The following CAPN3 variants were observed in gnomAD, a reference collection of about 807,000 sequenced individuals.
CAPN3 encodes the protein calpain 3.
Under a neutral mutation model 114.0 loss-of-function variants are expected in CAPN3, and 88 were observed. The observed-to-expected ratio is 0.77, with a 90% CI of 0.65 to 0.92. The LOEUF is 0.92. Ranked by LOEUF, CAPN3 falls within the 40% of genes least tolerant of loss-of-function variation. The pLI is 0.00. For synonymous variants in CAPN3, 386 were observed against 382.9 expected (o/e 1.01, Z -0.09); for missense variants, 1,028 against 1,069.0 (o/e 0.96, Z 0.53).
In CAPN3 at chr15:42,390,129, TC is replaced by T. The variant is rs2053517027; in HGVS notation, c.945+36del. 1.9e-6 allele frequency: 3 copies of T among 1,613,448 alleles called. No individual in the cohort carries two copies. The East Asian group carries it at 6.7e-5, about 36-fold the overall frequency. On this transcript the variant is annotated intron_variant, in intron 6 of 23. Transcript: ENST00000397163. Reference sequence around the variant, plus strand: ...CACCTCCGATTATCAGAACTGACCATCCCTCCAACCCACATGACCCCGCCCT... The same window carrying T: ...CACCTCCGATTATCAGAACTGACCATCCTCCAACCCACATGACCCCGCCCT...
At chr15:42,404,145 G>C in intron 14 of CAPN3, 1 of 465,326 alleles carries the variant, frequency 2.1e-6, no homozygotes, top group Non-Finnish European at 4.3e-6. Context: ...AAAGTAAGCT[G>C]GTGCCGGACC....
intron 1 of CAPN3, among the ~76,000 whole-genome samples, chr15:42,383,812 A>G (rs2053311024): frequency 6.6e-6 from 1 of 151,640 alleles, no homozygotes; most frequent in Admixed American, 6.6e-5. Context: ...ACCTCAAGTG[A>G]TCCACCCGCC....
intron 8 of CAPN3, among the ~76,000 whole-genome samples, chr15:42,395,474 A>C (rs536518551): frequency 2.1e-4 from 32 of 152,316 alleles, no homozygotes; most frequent in African/African-American, 7.7e-4. Context: ...TGCCACAGTA[A>C]GGATCACAAA....
Position 42,411,909 on chromosome 15 carries a change from C to T in CAPN3, c.*136C>T, listed in dbSNP as rs980663241. ...TTCCAGGCACCTCATCAGTCATGCT[C>T]CTCCTCCATTTTACCCCCTACCCAT... On this transcript the variant is annotated 3_prime_UTR_variant, in exon 24 of 24. Coordinates refer to ENST00000397163, the MANE Select transcript of CAPN3 (RefSeq NM_000070.3). 180 of 1,564,282 alleles carry T rather than the reference C, an allele frequency of 1.2e-4. No individual in the cohort carries two copies. Among genetic ancestry groups the T allele is most frequent in the Non-Finnish European group, 1.4e-4 (160 of 1,153,748 alleles).
intron 5 of CAPN3, 44 bp from the exon 6 acceptor site, chr15:42,389,909 C>T (rs376801349): frequency 7.5e-6 from 12 of 1,610,008 alleles, no homozygotes; most frequent in South Asian, 3.3e-5. Flanking sequence ...TGTTTGTTCT[C>T]TCCCTCCCCT....
rs28364471 is a variant in CAPN3, at chr15:42,397,458, G to A, written c.1193+581G>A. 4.8e-3 allele frequency among the ~76,000 whole-genome samples: 734 copies of A among 152,194 alleles called. 10 individuals are homozygous for A. The highest frequency in any genetic ancestry group is 0.015 in the African/African-American group (629 of 41,516). On this transcript the variant is annotated intron_variant, in intron 9 of 23. Coordinates refer to ENST00000397163, the MANE Select transcript of CAPN3 (RefSeq NM_000070.3). ...AGATCGAGAACATCTTGGCTAACAC[G>A]GTGAAACCCTGTCTGTACTAAAAAT...
chr15:42,401,479 C>T (rs979961263), intron 10 of CAPN3, among the ~76,000 whole-genome samples, 162 bp from the exon 11 acceptor site: 2 of 128,082 alleles, frequency 1.6e-5, no homozygotes, highest in Non-Finnish European at 3.4e-5. Context: ...TAGCGCCCCC[C>T]CCCCCCCCAA....
chr15:42,404,639 T>G, intron 14 of CAPN3: 1 of 1,122,652 alleles, frequency 8.9e-7, no homozygotes, highest in Non-Finnish European at 1.1e-6. Flanking sequence ...TTGGGCTCTG[T>G]GTGTTGAGGA....
chr15:42,365,430 C>A (rs2052754481), intron 1 of CAPN3, among the ~76,000 whole-genome samples: 1 of 152,164 alleles, frequency 6.6e-6, no homozygotes, highest in Non-Finnish European at 1.5e-5. Context: ...ATAGCTGGGC[C>A]TTGCAGTTTC....
At position 42,411,955 on chromosome 15, in the gene CAPN3, C is replaced by G. The variant is rs2054267292; in HGVS notation, c.*182C>G. 2 of 1,525,336 alleles carry G rather than the reference C, an allele frequency of 1.3e-6. No homozygotes were observed. The highest frequency in any genetic ancestry group is 2.8e-5 in the African/African-American group (2 of 72,496). The allele number at this position is 1,525,336 out of a possible 1,614,324, so 94.5% of individuals were successfully genotyped here. A position where few individuals can be genotyped will look rare whatever the true frequency, so the allele number is the denominator to read the frequency against. The stretch of plus-strand genomic sequence containing the variant: ...CCCATCCTTGATCGGTCATGCCTAG[C>G]CTGACCCTTTAGTAAAGCAATGAGG... On this transcript the variant is annotated 3_prime_UTR_variant, in exon 24 of 24. Coordinates refer to ENST00000397163, the MANE Select transcript of CAPN3 (RefSeq NM_000070.3).
intron 1 of CAPN3, among the ~76,000 whole-genome samples, chr15:42,382,485 C>A (rs1275750526): frequency 6.6e-6 from 1 of 152,174 alleles, no homozygotes; most frequent in Non-Finnish European, 1.5e-5. Context: ...TCTCTCACCT[C>A]AGCCTCCCAA....
At chr15:42,399,449 C>T in intron 9 of CAPN3, 43 bp from the exon 10 acceptor site, 1 of 1,517,026 alleles carries the variant, frequency 6.6e-7, no homozygotes, top group Non-Finnish European at 9.2e-7. Context: ...CAGCCCTCCT[C>T]ACCTGCTCCC....
At chr15:42,382,692 A>T (rs1032472345) in intron 1 of CAPN3, among the ~76,000 whole-genome samples, 1 of 152,046 alleles carries the variant, frequency 6.6e-6, no homozygotes, top group Non-Finnish European at 1.5e-5. Context: ...CTTATGGTTC[A>T]TATTTCTTAG....
chr15:42,405,850 A>G, intron 14 of CAPN3, 76 bp from the exon 15 acceptor site: 1 of 1,192,636 alleles, frequency 8.4e-7, no homozygotes, highest in Non-Finnish European at 1.3e-6. Context: ...GGATACAGGG[A>G]AGCCAAAAGC....
At position 42,408,270 on chromosome 15, in the gene CAPN3, G is replaced by A. The variant is rs753249479; in HGVS notation, c.1860G>A (p.Glu620=). Residue 620 remains glutamate (E), a synonymous_variant, in exon 16 of 24, where the codon GAG becomes GAA. Coordinates refer to ENST00000397163, the MANE Select transcript of CAPN3 (RefSeq NM_000070.3). ...ACAAGGAGCTGGGTGTGGACCAGGA[G>A]TCAGAGGAGGGCAAAGGCAAAACAA... ...NSNKELGVDQ[E]SEEGKGKTSP... is the part of the protein sequence containing the mutation. 1 of 1,613,992 alleles carries A rather than the reference G, an allele frequency of 6.2e-7. No homozygotes were observed. Among genetic ancestry groups the A allele is most frequent in the Admixed American group, 1.7e-5 (1 of 60,014 alleles).
At chr15:42,401,968 C>G (rs1001462428) in intron 11 of CAPN3, among the ~76,000 whole-genome samples, 156 bp from the exon 12 acceptor site, 1 of 151,992 alleles carries the variant, frequency 6.6e-6, no homozygotes, top group Non-Finnish European at 1.5e-5. Flanking sequence ...CAAAAAATAC[C>G]AGGGGGGGCA....
intron 4 of CAPN3, 89 bp from the exon 5 acceptor site, chr15:42,388,839 C>A: frequency 9.6e-7 from 1 of 1,039,710 alleles, no homozygotes; most frequent in Non-Finnish European, 1.5e-6. Context: ...ATCACAGCAT[C>A]CAAGAGGTAA....
intron 1 of CAPN3, among the ~76,000 whole-genome samples, chr15:42,375,580 C>T (rs1448631138): frequency 6.6e-6 from 1 of 152,146 alleles, no homozygotes; most frequent in Non-Finnish European, 1.5e-5. Context: ...AGGGCATATA[C>T]AGCCCAGTAG....
chr15:42,409,063 A>C (rs1271371113), intron 16 of CAPN3: 41 of 559,852 alleles, frequency 7.3e-5, no homozygotes, highest in Non-Finnish European at 1.3e-4. Context: ...GGCGGGGAGG[A>C]GGCTGTATGG....
Sources: gnomAD v4.1 joint callset for allele counts (sites outside exome capture counted in the v4.1 genomes callset) on GRCh38, gnomAD v4.1.1 for gene constraint, MANE v1.5 for transcripts, NCBI Gene and HGNC (gene_info 2026-07-23, HGNC 2026-07-21) for gene names.